TNIP3: variants seen among roughly 807,000 people sequenced by gnomAD.
TNIP3 encodes TNFAIP3-interacting protein 3.
Under a neutral mutation model 54.1 loss-of-function variants are expected in TNIP3, and 34 were observed. The observed-to-expected ratio is 0.63, with a 90% CI of 0.48 to 0.84. The LOEUF is 0.84. Ranked by LOEUF, TNIP3 falls within the 40% of genes least tolerant of loss-of-function variation. TNIP3 has a pLI of 0.00. For missense variants in TNIP3, 366 were observed against 387.6 expected (o/e 0.94, Z 0.47); for synonymous variants, 134 against 136.8 (o/e 0.98, Z 0.14).
intron 2 of TNIP3, among the ~76,000 whole-genome samples, chr4:121,189,093 A>T (rs80112720): frequency 6.6e-6 from 1 of 152,198 alleles, no homozygotes; most frequent in Admixed American, 6.5e-5. Flanking sequence ...ATAACTTGAA[A>T]AATCATTTAA....
chr4:121,181,408 C>T (rs1225267417), intron 3 of TNIP3, among the ~76,000 whole-genome samples: 2 of 152,096 alleles, frequency 1.3e-5, no homozygotes, highest in Non-Finnish European at 2.9e-5. Flanking sequence ...CAGAAGAAAA[C>T]AGAAGAAAGA....
intron 2 of TNIP3, among the ~76,000 whole-genome samples, chr4:121,187,695 T>C (rs1435815094): frequency 6.6e-6 from 1 of 152,218 alleles, no homozygotes; most frequent in African/African-American, 2.4e-5. Context: ...CAGAGAGGCT[T>C]GGGAGATAAG....
intron 2 of TNIP3, among the ~76,000 whole-genome samples, chr4:121,189,387 A>G (rs963104649): frequency 3.9e-5 from 6 of 152,248 alleles, no homozygotes; most frequent in African/African-American, 1.4e-4. Context: ...AAATGCTTCC[A>G]GATGTTCAAA....
intron 4 of TNIP3, 76 bp downstream of exon 4, chr4:121,157,018 G>GTTTTATTAAA: frequency 6.3e-7 from 1 of 1,588,498 alleles, no homozygotes; most frequent in Non-Finnish European, 8.6e-7. Context: ...AAAACGGTAG[G>GTTTTATTAAA]TTTTCTACAG....
intron 7 of TNIP3, among the ~76,000 whole-genome samples, chr4:121,145,926 G>T (rs1054118282): frequency 4.6e-5 from 7 of 150,748 alleles, no homozygotes; most frequent in Non-Finnish European, 7.4e-5. Context: ...GCGGTGAGCC[G>T]AGATCATGCC....
At chr4:121,224,234 G>A (rs985985266) in intron 1 of TNIP3, among the ~76,000 whole-genome samples, 1 of 151,952 alleles carries the variant, frequency 6.6e-6, no homozygotes, top group Non-Finnish European at 1.5e-5. Flanking sequence ...GTGGTGGTGG[G>A]CGCCTGTAAT....
intron 2 of TNIP3, among the ~76,000 whole-genome samples, chr4:121,192,077 A>T (rs1035307917): frequency 2.0e-5 from 3 of 152,098 alleles, no homozygotes; most frequent in Non-Finnish European, 4.4e-5. Context: ...TTAAATGTGA[A>T]TTTTTTTCAC....
upstream of TNIP3, among the ~76,000 whole-genome samples, chr4:121,218,694 T>C (rs1478577147): frequency 1.3e-5 from 2 of 152,068 alleles, no homozygotes; most frequent in East Asian, 1.9e-4. Context: ...TAGAGTTCAG[T>C]GGCTGTTCAC....
chr4:121,199,285 T>C (rs1388291195), intron 2 of TNIP3, among the ~76,000 whole-genome samples: 1 of 152,202 alleles, frequency 6.6e-6, no homozygotes, highest in Non-Finnish European at 1.5e-5. Flanking sequence ...AAACTGTTAG[T>C]AAAATACTGA....
intron 3 of TNIP3, among the ~76,000 whole-genome samples, chr4:121,179,453 G>C (rs557269635): frequency 6.6e-6 from 1 of 152,274 alleles, no homozygotes; most frequent in East Asian, 1.9e-4. Context: ...CTAATGTTTT[G>C]TTCTAAATGT....
At chr4:121,163,291 C>G (rs1048959477) in intron 1 of TNIP3, among the ~76,000 whole-genome samples, 1 of 152,022 alleles carries the variant, frequency 6.6e-6, no homozygotes, top group Non-Finnish European at 1.5e-5. Flanking sequence ...TAAAATAAAG[C>G]GAAATTAATC....
At chr4:121,163,052 T>G (rs1270447099) in intron 1 of TNIP3, among the ~76,000 whole-genome samples, 1 of 152,142 alleles carries the variant, frequency 6.6e-6, no homozygotes, top group Admixed American at 6.5e-5. Flanking sequence ...TAAATAAAAA[T>G]TACTGAAAAT....
chr4:121,203,814 A>G (rs1200706009), intron 2 of TNIP3, among the ~76,000 whole-genome samples: 1 of 151,224 alleles, frequency 6.6e-6, no homozygotes, highest in Non-Finnish European at 1.5e-5. Flanking sequence ...CTTCAGTTCC[A>G]CTCTACTCTG....
chr4:121,151,148 C>T (rs1490153853), intron 5 of TNIP3, among the ~76,000 whole-genome samples: 2 of 152,126 alleles, frequency 1.3e-5, no homozygotes, highest in Non-Finnish European at 1.5e-5. Context: ...ACTTCTCATC[C>T]TGGTGTGGCC....
chr4:121,186,338 G>C (rs1340202377), intron 2 of TNIP3, among the ~76,000 whole-genome samples: 1 of 152,216 alleles, frequency 6.6e-6, no homozygotes, highest in Non-Finnish European at 1.5e-5. Flanking sequence ...GCACACAGGA[G>C]GGGTGGAGCT....
chr4:121,226,313 C>T (rs1727254402), intron 1 of TNIP3, among the ~76,000 whole-genome samples: 1 of 152,118 alleles, frequency 6.6e-6, no homozygotes, highest in African/African-American at 2.4e-5. Context: ...AATGAAAAGG[C>T]ATAATGTTTT....
At chr4:121,166,384 G>A (rs1281029594), upstream of TNIP3, among the ~76,000 whole-genome samples, 1 of 152,164 alleles carries the variant, frequency 6.6e-6, no homozygotes, top group Non-Finnish European at 1.5e-5. Context: ...GGTCTTTTCT[G>A]TTACATATGC....
At chr4:121,148,044 AT>A (rs1560643819) in intron 6 of TNIP3, among the ~76,000 whole-genome samples, 1 of 152,158 alleles carries the variant, frequency 6.6e-6, no homozygotes, top group Non-Finnish European at 1.5e-5. Flanking sequence ...CATTTTGATG[AT>A]TTTTTTGGTT....
rs760478595 is a variant in TNIP3, at chr4:121,135,209, A to G, written c.947-2547T>C. ...CATGTATGTTTATCAAGGTAGGAGG[A>G]TAGATTATACTTTAACAGTTTCTAT... is the stretch of plus-strand genomic sequence containing the variant. On this transcript the variant is annotated intron_variant, in intron 10 of 10. Transcript: ENST00000057513. Among the ~76,000 whole-genome samples, 23 of 152,224 alleles carry G rather than the reference A, an allele frequency of 1.5e-4. No individual in the cohort carries two copies. The Middle Eastern group carries it at 0.01, about 68-fold the overall frequency.
Sources: gnomAD v4.1 joint callset for allele counts (sites outside exome capture counted in the v4.1 genomes callset) on GRCh38, gnomAD v4.1.1 for gene constraint, MANE v1.5 for transcripts, NCBI Gene and HGNC (gene_info 2026-07-23, HGNC 2026-07-21) for gene names.